The following FOXP1 variants were observed in gnomAD, a reference collection of about 807,000 sequenced individuals.
The protein encoded by FOXP1 is forkhead box P1.
FOXP1 carries 15 observed loss-of-function variants against 98.2 expected under a neutral mutation model. The observed-to-expected ratio is 0.15, with a 90% CI of 0.10 to 0.24. FOXP1 has a LOEUF of 0.24. Ranked by LOEUF, FOXP1 falls within the 10% of genes least tolerant of loss-of-function variation. The pLI, the probability that FOXP1 is intolerant of heterozygous loss-of-function variation, is 1.00. For missense variants in FOXP1, 633 were observed against 848.5 expected (o/e 0.75, Z 3.15); for synonymous variants, 371 against 314.5 (o/e 1.18, Z -1.90).
chr3:71,454,498 T>C (rs187119372), intron 3 of FOXP1, among the ~76,000 whole-genome samples: 1 of 151,666 alleles, frequency 6.6e-6, no homozygotes, highest in Non-Finnish European at 1.5e-5. Context: ...AACTCCACAA[T>C]ATAAATGACT....
Position 71,345,125 on chromosome 3 carries a change from C to T in FOXP1, c.-73+14025G>A, listed in dbSNP as rs185646279. Among the ~76,000 whole-genome samples the T allele has an allele frequency of 4.6e-5, 7 of 152,222 alleles. No individual in the cohort carries two copies. The East Asian group carries it at 9.7e-4, about 21-fold the overall frequency. ...CCAAAAAAGGCTGGGTGTGGTGGCT[C>T]ACGCCTGTAATCCCAGCACTTTGGG... On this transcript the variant is annotated intron_variant, in intron 4 of 20. Transcript: ENST00000649528.
chr3:71,198,427 G>GGGGGGGGGGGGGT, intron 5 of FOXP1, 35 bp from the exon 6 acceptor site: 1 of 503,546 alleles, frequency 2.0e-6, no homozygotes, highest in South Asian at 1.5e-5. Flanking sequence ...GGGGAGGGAG[G>GGGGGGGGGGGGGT]GGGGGAGAAA....
chr3:71,068,336 G>T (rs1242030276), intron 7 of FOXP1, among the ~76,000 whole-genome samples: 1 of 152,214 alleles, frequency 6.6e-6, no homozygotes, highest in East Asian at 1.9e-4. Flanking sequence ...GAACACAGAA[G>T]AAAGTGAAAG....
chr3:70,980,950 T>TACAA (rs1297762255), intron 14 of FOXP1, among the ~76,000 whole-genome samples: 1 of 152,096 alleles, frequency 6.6e-6, no homozygotes, highest in South Asian at 2.1e-4. Context: ...CAATGAAAAT[T>TACAA]ACAAACACAA....
intron 2 of FOXP1, among the ~76,000 whole-genome samples, chr3:71,539,100 TA>T (rs1170508825): frequency 4.0e-5 from 6 of 150,390 alleles, no homozygotes; most frequent in African/African-American, 1.5e-4. Flanking sequence ...TTTTATTTTT[TA>T]TTTTTTTGTT....
intron 4 of FOXP1, among the ~76,000 whole-genome samples, chr3:71,314,853 G>T (rs1430294371): frequency 6.6e-6 from 1 of 151,700 alleles, no homozygotes; most frequent in Non-Finnish European, 1.5e-5. Flanking sequence ...GAACCAAAAG[G>T]CATTGAAACA....
chr3:71,358,246 A>G (rs759556486), intron 4 of FOXP1, among the ~76,000 whole-genome samples: 6 of 152,224 alleles, frequency 3.9e-5, no homozygotes, highest in Non-Finnish European at 8.8e-5. Flanking sequence ...TTTGATCTTT[A>G]GCCTACCATA....
At chr3:71,463,771 G>A (rs768851033) in intron 3 of FOXP1, among the ~76,000 whole-genome samples, 8 of 152,172 alleles carry the variant, frequency 5.3e-5, no homozygotes, top group African/African-American at 1.2e-4. Context: ...TCATGTCCTG[G>A]AGGTTTTGTC....
chr3:71,342,044 A>C (rs2077040892), intron 4 of FOXP1, among the ~76,000 whole-genome samples: 1 of 43,234 alleles, frequency 2.3e-5, no homozygotes, highest in South Asian at 1.0e-3. Flanking sequence ...TTTCTGCTAC[A>C]TAACTAGTCT....
At chr3:71,419,019 G>C (rs569727310) in intron 3 of FOXP1, among the ~76,000 whole-genome samples, 8 of 150,862 alleles carry the variant, frequency 5.3e-5, no homozygotes, top group Non-Finnish European at 8.8e-5. Flanking sequence ...TGAATCACCT[G>C]AGGTCAGGAG....
chr3:71,043,430 C>T (rs1272195063), intron 10 of FOXP1, among the ~76,000 whole-genome samples: 1 of 152,132 alleles, frequency 6.6e-6, no homozygotes, highest in Non-Finnish European at 1.5e-5. Context: ...CTATTATTTT[C>T]CAACACCTTT....
At chr3:71,087,460 C>A (rs2055257331) in intron 7 of FOXP1, among the ~76,000 whole-genome samples, 1 of 152,174 alleles carries the variant, frequency 6.6e-6, no homozygotes, top group Non-Finnish European at 1.5e-5. Context: ...TTCCTTGATG[C>A]AACAAATAAG....
chr3:71,003,188 C>A (rs950381251), intron 12 of FOXP1, among the ~76,000 whole-genome samples: 1 of 152,148 alleles, frequency 6.6e-6, no homozygotes, highest in African/African-American at 2.4e-5. Flanking sequence ...AAGATCCAAA[C>A]GGACAAAAAG....
intron 3 of FOXP1, among the ~76,000 whole-genome samples, chr3:71,365,647 C>T (rs2078870618): frequency 1.3e-5 from 2 of 152,128 alleles, no homozygotes; most frequent in African/African-American, 4.8e-5. Context: ...CAAAATCAGG[C>T]ATGAAGATTC....
chr3:71,436,024 G>C (rs906072862), intron 3 of FOXP1, among the ~76,000 whole-genome samples: 1 of 151,320 alleles, frequency 6.6e-6, no homozygotes, highest in African/African-American at 2.4e-5. Context: ...GGAAGAAAGG[G>C]GGGAGAATCT....
chr3:70,993,907 T>A (rs1250154811), intron 13 of FOXP1, among the ~76,000 whole-genome samples: 1 of 151,280 alleles, frequency 6.6e-6, no homozygotes, highest in Non-Finnish European at 1.5e-5. Flanking sequence ...GTCAGGAGAA[T>A]CGCTTGAACC....
At chr3:70,974,205 T>C (rs1286782137) in intron 17 of FOXP1, among the ~76,000 whole-genome samples, 1 of 151,970 alleles carries the variant, frequency 6.6e-6, no homozygotes, top group East Asian at 1.9e-4. Context: ...TGCTTAAAAA[T>C]AAAAATCTCT....
intron 3 of FOXP1, among the ~76,000 whole-genome samples, chr3:71,369,206 G>A (rs978314007): frequency 6.6e-6 from 1 of 152,008 alleles, no homozygotes; most frequent in Non-Finnish European, 1.5e-5. Context: ...TAGCCAACAT[G>A]GTGAAACCCC....
chr3:71,057,030 G>T (rs1209025289), intron 7 of FOXP1, among the ~76,000 whole-genome samples: 1 of 152,166 alleles, frequency 6.6e-6, no homozygotes, highest in Admixed American at 6.5e-5. Flanking sequence ...CGGCAAGAGT[G>T]ATTGTAGCAG....
Sources: allele counts gnomAD v4.1 joint callset (sites outside exome capture counted in the v4.1 genomes callset), GRCh38; gene constraint gnomAD v4.1.1; transcripts MANE v1.5; gene names NCBI Gene and HGNC (gene_info 2026-07-23, HGNC 2026-07-21).